SLC17A6: variants seen among roughly 807,000 people sequenced by gnomAD.
SLC17A6 encodes the protein vesicular glutamate transporter 2.
In SLC17A6, 35 loss-of-function variants were observed where a neutral mutation model predicts 67.1. That is an observed-to-expected ratio of 0.52 (90% CI 0.40 to 0.69). SLC17A6 has a LOEUF of 0.69. Among genes scored for constraint, SLC17A6 ranks in the 30% least tolerant of loss-of-function variants. SLC17A6 has a pLI of 0.00. For missense variants in SLC17A6, 588 were observed against 723.9 expected (o/e 0.81, Z 2.15); for synonymous variants, 285 against 252.3 (o/e 1.13, Z -1.23).
At position 22,360,888 on chromosome 11, in the gene SLC17A6, C is replaced by T; in HGVS notation, c.574-9C>T. On this transcript the variant is annotated splice_polypyrimidine_tract_variant and intron_variant, in intron 4 of 11. Transcript: ENST00000263160. ...TGGTGACAGTGATGAGTATCTTCCC[C>T]CATCACAGGGTGTGACCTACCCAGC... The T allele has an allele frequency of 6.2e-7, 1 of 1,609,760 alleles. No individual in the cohort carries two copies. Among genetic ancestry groups the T allele is most frequent in the Middle Eastern group, 1.7e-4 (1 of 6,048 alleles).
chr11:22,353,683 T>C (rs1055081759), intron 3 of SLC17A6, among the ~76,000 whole-genome samples: 12 of 152,364 alleles, frequency 7.9e-5, no homozygotes, highest in Middle Eastern at 6.8e-3. Flanking sequence ...AACAATCTAA[T>C]ATCCATTTGT....
At chr11:22,350,275 T>G (rs1339495876) in intron 3 of SLC17A6, among the ~76,000 whole-genome samples, 1 of 152,196 alleles carries the variant, frequency 6.6e-6, no homozygotes, top group Non-Finnish European at 1.5e-5. Context: ...TATAGTGGTA[T>G]AGAGCTTCCT....
At chr11:22,356,860 C>T (rs1025830063) in intron 3 of SLC17A6, among the ~76,000 whole-genome samples, 1 of 152,122 alleles carries the variant, frequency 6.6e-6, no homozygotes, top group South Asian at 2.1e-4. Flanking sequence ...AAATTAAAAC[C>T]ACTTCAATTA....
intron 1 of SLC17A6, 132 bp from the exon 2 acceptor site, chr11:22,341,396 C>T (rs1855813736): frequency 2.2e-6 from 3 of 1,341,746 alleles, no homozygotes; most frequent in Admixed American, 2.3e-5. Flanking sequence ...CCCCACCACC[C>T]TAATCCCCGA....
intron 3 of SLC17A6, among the ~76,000 whole-genome samples, chr11:22,351,938 T>C (rs1855943836): frequency 1.3e-5 from 2 of 152,154 alleles, no homozygotes; most frequent in Non-Finnish European, 2.9e-5. Flanking sequence ...TTTCCTTCTG[T>C]CTGCTAATAT....
Position 22,339,178 on chromosome 11 carries a change from G to GTT in SLC17A6, c.86+562_86+563dup, listed in dbSNP as rs1341991021. 1.3e-3 allele frequency among the ~76,000 whole-genome samples: 37 copies of GTT among 29,542 alleles called. 6 individuals carry two copies. The highest frequency in any genetic ancestry group is 5.0e-3 in the African/African-American group (32 of 6,342). The allele number at this position is 29,542 out of a possible 152,430, so 19.4% of individuals were successfully genotyped here. On this transcript the variant is annotated intron_variant, in intron 1 of 11. Coordinates refer to ENST00000263160, the MANE Select transcript of SLC17A6 (RefSeq NM_020346.3). ...TTATATATATATGTTATATATATAT[G>GTT]TTTTATATATATATATATATATATA...
chr11:22,352,053 G>C (rs1302759277), intron 3 of SLC17A6, among the ~76,000 whole-genome samples: 1 of 145,004 alleles, frequency 6.9e-6, no homozygotes, highest in Non-Finnish European at 1.5e-5. Flanking sequence ...TTAATGAATG[G>C]TGAGGTTCTT....
chr11:22,354,778 G>T (rs904581482), intron 3 of SLC17A6, among the ~76,000 whole-genome samples: 2 of 152,058 alleles, frequency 1.3e-5, no homozygotes, highest in Non-Finnish European at 2.9e-5. Context: ...TTACTCACTC[G>T]GACATGGTTA....
At chr11:22,339,310 C>A (rs1315138002) in intron 1 of SLC17A6, among the ~76,000 whole-genome samples, 1 of 150,434 alleles carries the variant, frequency 6.6e-6, no homozygotes, top group Non-Finnish European at 1.5e-5. Context: ...CAAAATATAT[C>A]AATAATTGAT....
intron 3 of SLC17A6, among the ~76,000 whole-genome samples, chr11:22,346,127 T>G (rs1463052346): frequency 6.6e-6 from 1 of 152,140 alleles, no homozygotes; most frequent in Non-Finnish European, 1.5e-5. Flanking sequence ...CCTTTGCATG[T>G]GATATTGGGG....
intron 1 of SLC17A6, among the ~76,000 whole-genome samples, chr11:22,339,460 T>C (rs1194354067): frequency 6.6e-6 from 1 of 152,060 alleles, no homozygotes; most frequent in African/African-American, 2.4e-5. Flanking sequence ...AACATTACTT[T>C]GAAAGTCCTA....
chr11:22,358,633 CA>C (rs938697326), intron 3 of SLC17A6, among the ~76,000 whole-genome samples: 11 of 152,134 alleles, frequency 7.2e-5, no homozygotes. Context: ...TGCACCCGAC[CA>C]GAAGATTTTT....
chr11:22,341,578 A>T lies in SLC17A6; in HGVS notation c.137A>T (p.Asp46Val). 6.2e-7 allele frequency: 1 copy of T among 1,613,962 alleles called. No individual in the cohort carries two copies. Among genetic ancestry groups the T allele is most frequent in the Non-Finnish European group, 8.5e-7 (1 of 1,180,020 alleles). Reference protein sequence around the residue: ...DTGETIELTEDGKPLEVPERK... With the variant: ...DTGETIELTEVGKPLEVPERK... ...GGGGAGACAATCGAGCTGACGGAGG[A>T]TGGGAAGCCCCTAGAGGTGCCCGAG... The change falls in exon 2 of 12, where the codon GAT (aspartate) becomes GTT (valine). Residue 46 changes from aspartate (D) to valine (V), a missense_variant. Asp to Val is a radical substitution (Grantham distance 152). Around this residue, in one of 4 missense-constraint regions of SLC17A6, gnomAD observed 117 missense variants for 98.7 expected, o/e 1.19. Transcript: ENST00000263160.
chr11:22,376,236 G>GA, intron 10 of SLC17A6, 144 bp downstream of exon 10: 2 of 581,324 alleles, frequency 3.4e-6, no homozygotes, highest in Non-Finnish European at 5.6e-6. Flanking sequence ...ACTAGAAAAT[G>GA]AAAAAAATAA....
In SLC17A6 at chr11:22,338,564, C is replaced by G; in HGVS notation, c.31C>G (p.Pro11Ala). 6.2e-7 allele frequency: 1 copy of G among 1,613,556 alleles called. No individual in the cohort carries two copies. Among genetic ancestry groups the G allele is most frequent in the Non-Finnish European group, 8.5e-7 (1 of 1,179,760 alleles). Reference sequence around the variant, plus strand: ...ATCCGTAAAACAAAGGATTTTGGCCCCAGGAAAAGAGGGGCTAAAGAATTT... The same window carrying G: ...ATCCGTAAAACAAAGGATTTTGGCCGCAGGAAAAGAGGGGCTAAAGAATTT... The part of the protein sequence containing the change: MESVKQRILA[P>A]GKEGLKNFAG... Residue 11 changes from proline to alanine, a missense_variant, in exon 1 of 12, where the codon CCA (proline) becomes GCA (alanine). This residue lies in a region of SLC17A6 where 117 missense variants were observed against 98.7 expected (regional missense o/e 1.19). Transcript: ENST00000263160.
intron 3 of SLC17A6, among the ~76,000 whole-genome samples, chr11:22,347,153 GC>G (rs1304349441): frequency 2.0e-5 from 3 of 149,322 alleles, no homozygotes; most frequent in Non-Finnish European, 4.4e-5. Context: ...TTTTTTCATT[GC>G]TATATTACTA....
chr11:22,355,109 T>A lies in SLC17A6; in HGVS notation c.459-4304T>A, dbSNP rs117413081. Among the ~76,000 whole-genome samples the A allele has an allele frequency of 3.6e-3, 554 of 152,222 alleles. 2 individuals are homozygous for A. The highest frequency in any genetic ancestry group is 7.2e-3 in the East Asian group (37 of 5,172). ...TGGTTGTTTTACTTCAAATAACTCATAGGTTCTGTTAATATTCCCATTGTT... is the reference window on the plus strand; with the variant it reads ...TGGTTGTTTTACTTCAAATAACTCAAAGGTTCTGTTAATATTCCCATTGTT... On this transcript the variant is annotated intron_variant, in intron 3 of 11. Transcript: ENST00000263160.
chr11:22,353,893 A>G (rs1040564460), intron 3 of SLC17A6, among the ~76,000 whole-genome samples: 1 of 152,130 alleles, frequency 6.6e-6, no homozygotes, highest in African/African-American at 2.4e-5. Flanking sequence ...TGCTAAACCA[A>G]TGATTCCCAA....
At chr11:22,343,399 T>C (rs1855841776) in intron 3 of SLC17A6, 34 bp downstream of exon 3, 1 of 1,558,132 alleles carries the variant, frequency 6.4e-7, no homozygotes, top group Non-Finnish European at 8.7e-7. Flanking sequence ...GCTCGGGGCG[T>C]GGTGTTTGTT....
Sources: gnomAD v4.1 joint callset for allele counts (sites outside exome capture counted in the v4.1 genomes callset) on GRCh38, gnomAD v4.1.1 for gene constraint, gnomAD v4.1.1 regional missense constraint, MANE v1.5 for transcripts, NCBI Gene and HGNC (gene_info 2026-07-23, HGNC 2026-07-21) for gene names.